Variants in USP19 observed in about 807,000 individuals in gnomAD.
USP19 encodes ubiquitin carboxyl-terminal hydrolase 19.
In USP19, 40 loss-of-function variants were observed where a neutral mutation model predicts 144.8. That is an observed-to-expected ratio of 0.28 (90% CI 0.21 to 0.36). The LOEUF (loss-of-function observed/expected upper bound fraction) is 0.36. Among genes scored for constraint, USP19 ranks in the 10% least tolerant of loss-of-function variants. USP19 has a pLI of 1.00. For missense variants in USP19, 1,518 were observed against 1,822.5 expected (o/e 0.83, Z 3.04); for synonymous variants, 701 against 709.3 (o/e 0.99, Z 0.19).
rs1437869274 is a variant in USP19, at chr3:49,112,015, C to T, written c.2799G>A (p.Lys933=). 5 of 1,613,992 alleles carry T rather than the reference C, an allele frequency of 3.1e-6. No homozygotes were observed. The highest frequency in any genetic ancestry group is 4.2e-6 in the Non-Finnish European group (5 of 1,180,036). Residue 933 remains lysine (K), a synonymous_variant, in exon 20 of 27, where the codon AAG becomes AAA. Transcript: ENST00000417901. The surrounding 1 kb of genome is among the most constrained non-coding windows in gnomAD (Gnocchi z 4.9). ...CAATGTTCTCAGGTCGGCAGAGGCC[C>T]TTGTGGTCAGGCCAGTGGGTTTTCT... ...LCQKTHWPDH[K]GLCRPENIGY... is the part of the protein sequence containing the mutation.
rs778556924 is a variant in USP19, at chr3:49,111,688, G to C, written c.3029C>G (p.Pro1010Arg). The C allele has an allele frequency of 6.3e-7, 1 of 1,599,918 alleles. No individual in the cohort carries two copies. Among genetic ancestry groups the C allele is most frequent in the South Asian group, 1.1e-5 (1 of 89,282 alleles). Residue 1010 changes from proline (P) to arginine (R), a missense_variant, in exon 21 of 27, where the codon CCC (proline) becomes CGC (arginine). Around this residue, in one of 5 missense-constraint regions of USP19, gnomAD observed 413 missense variants for 515.8 expected, o/e 0.80. Transcript: ENST00000417901. This position sits in a 1 kb window ranked among gnomAD's most constrained non-coding sequence, Gnocchi z 5.9. ...CAGCTGGAGCTCAGGTGGCTGAATG[G>C]GGTCTCTCTCGCTGTCCCCAGCCTC... Reference protein sequence around the residue: ...SLEAGDSERDPIQPPELQLVT... With the variant: ...SLEAGDSERDRIQPPELQLVT...
In USP19 at chr3:49,114,089, A is replaced by G. The variant is rs758995082; in HGVS notation, c.2408T>C (p.Leu803Pro). 2 of 1,614,234 alleles carry G rather than the reference A, an allele frequency of 1.2e-6. No homozygotes were observed. Among genetic ancestry groups the G allele is most frequent in the East Asian group, 4.5e-5 (2 of 44,892 alleles). Reference protein sequence around the residue: ...REPHSKPIKFLVSVSKENSTA... With the variant: ...REPHSKPIKFPVSVSKENSTA... ...GGAGTTCTCCTTGCTGACGCTCACC[A>G]GGAACTGTGGCAAAAAGGGCAGTCA... Residue 803 changes from leucine (L) to proline (P), a missense_variant, in exon 17 of 27, where the codon CTG becomes CCG. Leu to Pro is a moderately conservative substitution (Grantham distance 98). Around this residue, in one of 5 missense-constraint regions of USP19, gnomAD observed 413 missense variants for 515.8 expected, o/e 0.80. Coordinates refer to ENST00000417901, the MANE Select transcript of USP19 (RefSeq NM_001199161.2). The surrounding 1 kb of genome is among the most constrained non-coding windows in gnomAD (Gnocchi z 4.5).
At position 49,117,327 on chromosome 3, in the gene USP19, C is replaced by A. The variant is rs558769123; in HGVS notation, c.641G>T (p.Gly214Val). 2.1e-5 allele frequency: 34 copies of A among 1,587,592 alleles called. No homozygotes were observed. The Admixed American group carries it at 5.2e-4, about 24-fold the overall frequency. ...CTGCCCATTCTCCTGGCACCGCAGC[C>A]CCGGCACCAGCTCCTGGGTCCCTAG... ...KPLGTQELVP[G>V]LRCQENGQEL... The change falls in exon 6 of 27, where the codon GGG becomes GTG. Residue 214 changes from glycine (G) to valine (V), a missense_variant. Gly to Val is a moderately radical substitution (Grantham distance 109). This residue lies in a region of USP19 where 707 missense variants were observed against 728.9 expected (regional missense o/e 0.97). Transcript: ENST00000417901. This position sits in a 1 kb window ranked among gnomAD's most constrained non-coding sequence, Gnocchi z 4.4.
Position 49,117,915 on chromosome 3 carries a change from C to T in USP19, c.298+32G>A. ...CAAATTGCAAGTGCCCCCTCCCCTT[C>T]CCTAGCAACAAAAAGCCCATTCGTT... On this transcript the variant is annotated intron_variant, in intron 3 of 26. Transcript: ENST00000417901. This position sits in a 1 kb window ranked among gnomAD's most constrained non-coding sequence, Gnocchi z 4.4. 2 of 1,612,910 alleles carry T rather than the reference C, an allele frequency of 1.2e-6. No homozygotes were observed. The highest frequency in any genetic ancestry group is 1.7e-6 in the Non-Finnish European group (2 of 1,179,722).
chr3:49,108,622 G>A lies in USP19; in HGVS notation c.4039-94C>T. The A allele has an allele frequency of 6.4e-6, 8 of 1,252,064 alleles. No homozygotes were observed. Among genetic ancestry groups the A allele is most frequent in the Non-Finnish European group, 8.1e-6 (8 of 992,876 alleles). 77.6% of individuals were successfully genotyped at this position (1,252,064 alleles called of 1,614,324 possible). A position where few individuals can be genotyped will look rare whatever the true frequency, so the allele number is the denominator to read the frequency against. On this transcript the variant is annotated intron_variant, in intron 26 of 26. Coordinates refer to ENST00000417901, the MANE Select transcript of USP19 (RefSeq NM_001199161.2). The surrounding 1 kb of genome is among the most constrained non-coding windows in gnomAD (Gnocchi z 4.8). ...GCTTGGAGCCCTGGCACCCAAGGGAGGGTCCCAAGGCAGGCGCAGACAGCA... is the reference window on the plus strand; with the variant it reads ...GCTTGGAGCCCTGGCACCCAAGGGAAGGTCCCAAGGCAGGCGCAGACAGCA...
chr3:49,112,681 C>G lies in USP19; in HGVS notation c.2506-52G>C, dbSNP rs568491716. The G allele has an allele frequency of 2.9e-5, 45 of 1,573,746 alleles. No homozygotes were observed. In the Admixed American group the frequency reaches 7.8e-4, roughly 27 times the overall value. ...ACGTGAGGATAAGCCCTTTCCCTAGCCCTGCCCCAGAGTTTAAGAAGGCTT... is the reference window on the plus strand; with the variant it reads ...ACGTGAGGATAAGCCCTTTCCCTAGGCCTGCCCCAGAGTTTAAGAAGGCTT... On this transcript the variant is annotated intron_variant, in intron 17 of 26. Transcript: ENST00000417901. This position sits in a 1 kb window ranked among gnomAD's most constrained non-coding sequence, Gnocchi z 4.9.
In USP19 at chr3:49,112,578, T is replaced by C; in HGVS notation, c.2557A>G (p.Thr853Ala). Residue 853 changes from threonine (T) to alanine (A), a missense_variant, in exon 18 of 27, where the codon ACT (threonine) becomes GCT (alanine). This residue lies in a region of USP19 where 413 missense variants were observed against 515.8 expected (regional missense o/e 0.80). Transcript: ENST00000417901. The surrounding 1 kb of genome is among the most constrained non-coding windows in gnomAD (Gnocchi z 4.9). Reference sequence around the variant, plus strand: ...AGGAGCGTATCAGATGGGGACACAGTGTCCAGTGAGTGGGAGGGTAGGAAC... The same window carrying C: ...AGGAGCGTATCAGATGGGGACACAGCGTCCAGTGAGTGGGAGGGTAGGAAC... ...RVFLPSHSLD[T>A]VSPSDTLLCF... 1 of 1,614,076 alleles carries C rather than the reference T, an allele frequency of 6.2e-7. No individual in the cohort carries two copies. The highest frequency in any genetic ancestry group is 1.1e-5 in the South Asian group (1 of 91,072).
rs1560019953 is a variant in USP19 at position 49,115,215 on chromosome 3, G to A, written c.2022+13C>T. ...GCCCCCTCCAGCCAAGGGTGACAGTGGTCACAGATCACCTTCAACTTGGAA... is the reference window on the plus strand; with the variant it reads ...GCCCCCTCCAGCCAAGGGTGACAGTAGTCACAGATCACCTTCAACTTGGAA... On this transcript the variant is annotated intron_variant, in intron 13 of 26. Transcript: ENST00000417901. This position sits in a 1 kb window ranked among gnomAD's most constrained non-coding sequence, Gnocchi z 6.6. The A allele has an allele frequency of 5.6e-6, 9 of 1,613,610 alleles. No individual in the cohort carries two copies. The highest frequency in any genetic ancestry group is 1.1e-5 in the South Asian group (1 of 91,054).
intron 2 of USP19, among the ~76,000 whole-genome samples, 164 bp from the exon 3 acceptor site, chr3:49,118,284 AG>A (rs1170713058): frequency 6.7e-6 from 1 of 150,028 alleles, no homozygotes; most frequent in Admixed American, 6.6e-5. Flanking sequence ...AAAAAAAAAA[AG>A]GGACAGGCAC....
At position 49,108,341 on chromosome 3, in the gene USP19, G is replaced by A; in HGVS notation, c.*71C>T. ...GCCAGTGTCCTCTGGGTTAGAGAAG[G>A]AGAAGCGGCAAGGAGCTGGCCCTCT... On this transcript the variant is annotated 3_prime_UTR_variant, in exon 27 of 27. Transcript: ENST00000417901. The surrounding 1 kb of genome is among the most constrained non-coding windows in gnomAD (Gnocchi z 4.8). 1 of 509,818 alleles carries A rather than the reference G, an allele frequency of 2.0e-6. No homozygotes were observed. The highest frequency in any genetic ancestry group is 3.3e-6 in the Non-Finnish European group (1 of 301,426). The allele number at this position is 509,818 out of a possible 1,614,324, so 31.6% of individuals were successfully genotyped here. A position where few individuals can be genotyped will look rare whatever the true frequency, so the allele number is the denominator to read the frequency against.
In USP19 at chr3:49,110,818, C is replaced by T. The variant is rs777384080; in HGVS notation, c.3591G>A (p.Leu1197=). ...CKQHREASKQ[L]LLWRLPNVLI... is the part of the protein sequence containing the mutation. ...GAACATTTGGCAGGCGCCATAGCAA[C>T]AGCTGCTTGGAGGCCTCACGGTGCT... Residue 1197 remains leucine (L), a synonymous_variant, in exon 24 of 27, where the codon CTG becomes CTA. Coordinates refer to ENST00000417901, the MANE Select transcript of USP19 (RefSeq NM_001199161.2). This position sits in a 1 kb window ranked among gnomAD's most constrained non-coding sequence, Gnocchi z 6.1. 3 of 1,614,240 alleles carry T rather than the reference C, an allele frequency of 1.9e-6. No homozygotes were observed. Among genetic ancestry groups the T allele is most frequent in the East Asian group, 2.2e-5 (1 of 44,886 alleles).
chr3:49,109,230 G>A, intron 26 of USP19: 3 of 1,451,114 alleles, frequency 2.1e-6, no homozygotes, highest in Non-Finnish European at 2.7e-6. Context: ...GGGTGGGGAG[G>A]ACCCAGTGTC....
At chr3:49,109,676 G>A (rs1337462223) in intron 26 of USP19, among the ~76,000 whole-genome samples, 3 of 152,208 alleles carry the variant, frequency 2.0e-5, no homozygotes, top group African/African-American at 4.8e-5. Context: ...CACTAACTGG[G>A]CCTATGGCAC....
rs367892229 is a variant in USP19 at position 49,117,676 on chromosome 3, G to A, written c.453C>T (p.Asp151=). The part of the protein sequence containing the change: ...EDVDAAFTDT[D]CVVRFAGGQQ... ...ACACACCTGCAAACCGCACCACACA[G>A]TCTGTATCTGTGAAAGCAGCATCTA... Residue 151 remains aspartate (D), a synonymous_variant, in exon 4 of 27, where the codon GAC becomes GAT. Coordinates refer to ENST00000417901, the MANE Select transcript of USP19 (RefSeq NM_001199161.2). The surrounding 1 kb of genome is among the most constrained non-coding windows in gnomAD (Gnocchi z 4.4). The A allele has an allele frequency of 3.4e-4, 548 of 1,614,202 alleles. No individual in the cohort carries two copies. The highest frequency in any genetic ancestry group is 5.2e-4 in the Admixed American group (31 of 60,020).
At chr3:49,109,066 TGTGGTAGGGCCAC>T in intron 26 of USP19, 1 of 1,610,376 alleles carries the variant, frequency 6.2e-7, no homozygotes, top group Non-Finnish European at 8.5e-7. Context: ...CCTCATCTGG[TGTGGTAGGGCCAC>T]GTGGTAGGGG....
intron 2 of USP19, among the ~76,000 whole-genome samples, chr3:49,118,576 T>C (rs564160303): frequency 1.3e-4 from 19 of 147,244 alleles, no homozygotes; most frequent in Non-Finnish European, 1.9e-4. Flanking sequence ...GAGTGAGACA[T>C]TGTCTCAAAA....
chr3:49,117,379 G>A lies in USP19; in HGVS notation c.607-18C>T, dbSNP rs1341305943. 1.2e-6 allele frequency: 2 copies of A among 1,605,518 alleles called. No homozygotes were observed. Among genetic ancestry groups the A allele is most frequent in the East Asian group, 2.2e-5 (1 of 44,662 alleles). On this transcript the variant is annotated intron_variant, in intron 5 of 26. Transcript: ENST00000417901. This position sits in a 1 kb window ranked among gnomAD's most constrained non-coding sequence, Gnocchi z 4.4. The stretch of plus-strand genomic sequence containing the variant: ...GGTTTCTTCTGCCAAAGATACAGCA[G>A]TCAGGCCCTGTCGACTACACTGGTA...
Position 49,108,518 on chromosome 3 carries a change from G to C in USP19, c.4049C>G (p.Pro1350Arg). 8.0e-7 allele frequency: 1 copy of C among 1,251,246 alleles called. No individual in the cohort carries two copies. Among genetic ancestry groups the C allele is most frequent in the Non-Finnish European group, 1.0e-6 (1 of 975,560 alleles). 77.5% of individuals were successfully genotyped at this position (1,251,246 alleles called of 1,614,324 possible). A position where few individuals can be genotyped will look rare whatever the true frequency, so the allele number is the denominator to read the frequency against. The change falls in exon 27 of 27, where the codon CCT (proline) becomes CGT (arginine). Residue 1350 changes from proline (P) to arginine (R), a missense_variant. Pro to Arg is a moderately radical substitution (Grantham distance 103, BLOSUM62 -2). Coordinates refer to ENST00000417901, the MANE Select transcript of USP19 (RefSeq NM_001199161.2). The surrounding 1 kb of genome is among the most constrained non-coding windows in gnomAD (Gnocchi z 4.8). The stretch of plus-strand genomic sequence containing the variant: ...GGGGGCCACCTCGGGGGCCTGGCCA[G>C]GGCCTAGTCCCTGCAACAGAATACG... ...AEAAASQGLG[P>R]GQAPEVAPTR...
At position 49,114,917 on chromosome 3, in the gene USP19, G is replaced by A; in HGVS notation, c.2181+42C>T. ...AGAACCAAAGAGTACCAGGGGCTGG[G>A]ATGCTCATGAGACATGCCCACCCTC... is the stretch of plus-strand genomic sequence containing the variant. On this transcript the variant is annotated intron_variant, in intron 14 of 26. Transcript: ENST00000417901. This position sits in a 1 kb window ranked among gnomAD's most constrained non-coding sequence, Gnocchi z 4.5. 1 of 1,614,116 alleles carries A rather than the reference G, an allele frequency of 6.2e-7. No individual in the cohort carries two copies. Among genetic ancestry groups the A allele is most frequent in the Non-Finnish European group, 8.5e-7 (1 of 1,180,020 alleles).
Sources: gnomAD v4.1 joint callset for allele counts (sites outside exome capture counted in the v4.1 genomes callset) on GRCh38, gnomAD v4.1.1 for gene constraint, gnomAD v4.1.1 regional missense constraint, Gnocchi (gnomAD v3.1) non-coding constraint, MANE v1.5 for transcripts, NCBI Gene and HGNC (gene_info 2026-07-23, HGNC 2026-07-21) for gene names.